ZBTB20: variants seen among roughly 807,000 people sequenced by gnomAD.
The protein encoded by ZBTB20 is zinc finger and BTB domain-containing protein 20.
In ZBTB20, 9 loss-of-function variants were observed where a neutral mutation model predicts 56.9. The observed-to-expected ratio is 0.16, with a 90% confidence interval of 0.10 to 0.28. The LOEUF (loss-of-function observed/expected upper bound fraction) is 0.28, where lower values mean the gene tolerates loss of function less well. Ranked by LOEUF, ZBTB20 falls within the 10% of genes least tolerant of loss-of-function variation. The pLI, the probability that ZBTB20 is intolerant of heterozygous loss-of-function variation, is 1.00. For missense variants in ZBTB20, 655 were observed against 1,003.0 expected (o/e 0.65, Z 4.69); for synonymous variants, 417 against 420.7 (o/e 0.99, Z 0.11).
At chr3:114,615,225 T>C (rs894597685) in intron 6 of ZBTB20, among the ~76,000 whole-genome samples, 2 of 152,200 alleles carry the variant, frequency 1.3e-5, no homozygotes, top group African/African-American at 2.4e-5. Flanking sequence ...ATTTGACAAT[T>C]TGCAAATTTA....
chr3:114,751,899 A>T (rs1414664517), intron 5 of ZBTB20, among the ~76,000 whole-genome samples: 3 of 152,130 alleles, frequency 2.0e-5, no homozygotes, highest in African/African-American at 7.2e-5. Flanking sequence ...TCTCAGTAAG[A>T]AATGTGTTTT....
intron 5 of ZBTB20, among the ~76,000 whole-genome samples, chr3:114,748,820 T>C (rs1230718766): frequency 6.6e-6 from 1 of 152,156 alleles, no homozygotes; most frequent in Non-Finnish European, 1.5e-5. Context: ...AAGTGCTGTA[T>C]AAAAGTAAAG....
intron 2 of ZBTB20, among the ~76,000 whole-genome samples, chr3:115,044,746 T>C (rs551020181): frequency 6.6e-6 from 1 of 152,348 alleles, no homozygotes; most frequent in African/African-American, 2.4e-5. Context: ...AACAAAGTTA[T>C]CGAGAACACA....
intron 6 of ZBTB20, among the ~76,000 whole-genome samples, chr3:114,638,092 T>C (rs751542957): frequency 4.7e-4 from 72 of 152,186 alleles, no homozygotes; most frequent in Non-Finnish European, 6.2e-4. Context: ...GACAAGTGTA[T>C]TCTCTAATTT....
chr3:114,710,300 C>T (rs1261158510), intron 5 of ZBTB20: 1 of 152,090 alleles, frequency 6.6e-6, no homozygotes, highest in Non-Finnish European at 1.5e-5. Flanking sequence ...TTCTTCGTAC[C>T]CTGTAGGCTT....
rs954107591 is a variant in ZBTB20, at chr3:114,435,964, C to T, written c.-254-46859G>A. On this transcript the variant is annotated intron_variant, in intron 7 of 11. Coordinates refer to ENST00000675478, the MANE Select transcript of ZBTB20 (RefSeq NM_001348800.3). Reference sequence around the variant, plus strand: ...TGAACATCAGTAATATGATATTTCCCGCTACAATTTGATTTGGTTAAAATG... The same window carrying T: ...TGAACATCAGTAATATGATATTTCCTGCTACAATTTGATTTGGTTAAAATG... 3.9e-5 allele frequency among the ~76,000 whole-genome samples: 6 copies of T among 152,014 alleles called. No individual in the cohort carries two copies. In the South Asian group the frequency reaches 8.3e-4, roughly 21 times the overall value.
chr3:115,033,304 TA>T (rs1279506272), intron 2 of ZBTB20, among the ~76,000 whole-genome samples: 3 of 151,392 alleles, frequency 2.0e-5, no homozygotes, highest in Non-Finnish European at 4.4e-5. Context: ...CTACCATAAC[TA>T]AACCACAAAG....
chr3:114,488,788 T>C (rs942631880), intron 7 of ZBTB20, among the ~76,000 whole-genome samples: 7 of 152,206 alleles, frequency 4.6e-5, no homozygotes, highest in Non-Finnish European at 8.8e-5. Flanking sequence ...TGTGGCATTG[T>C]TTAGTAAGAA....
At chr3:114,700,460 A>G (rs2063324411) in intron 5 of ZBTB20, among the ~76,000 whole-genome samples, 1 of 152,144 alleles carries the variant, frequency 6.6e-6, no homozygotes, top group Non-Finnish European at 1.5e-5. Flanking sequence ...CCTCCATATT[A>G]TCAATATGAA....
intron 6 of ZBTB20, among the ~76,000 whole-genome samples, chr3:114,661,555 T>G (rs1042616788): frequency 1.3e-5 from 2 of 152,194 alleles, no homozygotes; most frequent in Non-Finnish European, 2.9e-5. Context: ...CTCTTAGCAC[T>G]GTTGTTCTCC....
At chr3:114,617,450 T>C (rs2058018265) in intron 6 of ZBTB20, among the ~76,000 whole-genome samples, 1 of 152,198 alleles carries the variant, frequency 6.6e-6, no homozygotes, top group Admixed American at 6.5e-5. Context: ...CACTCCAAGA[T>C]ATGTTCAGCT....
chr3:115,041,939 T>G (rs749765465), intron 2 of ZBTB20, among the ~76,000 whole-genome samples: 1 of 152,094 alleles, frequency 6.6e-6, no homozygotes, highest in Non-Finnish European at 1.5e-5. Flanking sequence ...GAATAAAGTT[T>G]TCCTTTTTTA....
chr3:114,627,662 T>C (rs1026017871), intron 6 of ZBTB20, among the ~76,000 whole-genome samples: 1 of 152,172 alleles, frequency 6.6e-6, no homozygotes, highest in Non-Finnish European at 1.5e-5. Context: ...TACATATAAA[T>C]ATAAACCCTG....
chr3:114,541,601 A>G (rs2669902), intron 6 of ZBTB20, among the ~76,000 whole-genome samples: 39,014 of 152,030 alleles, frequency 0.26, 5,488 homozygotes, highest in African/African-American at 0.39. Context: ...GCCATCCCCT[A>G]GAGAAGGAAA....
intron 2 of ZBTB20, among the ~76,000 whole-genome samples, chr3:114,987,670 G>A (rs949276928): frequency 2.0e-5 from 3 of 152,096 alleles, no homozygotes; most frequent in Non-Finnish European, 4.4e-5. Flanking sequence ...TGATAGGATA[G>A]GAGCTTTCAA....
At position 115,071,822 on chromosome 3, in the gene ZBTB20, C is replaced by T. The variant is rs560725577; in HGVS notation, c.-702-408G>A. On this transcript the variant is annotated intron_variant, in intron 1 of 11. Coordinates refer to ENST00000675478, the MANE Select transcript of ZBTB20 (RefSeq NM_001348800.3). ...GGCAGCCTATTGAAACTAACAATGC[C>T]TGCTGCTGCTGCCGAAGAGGATCAT... Among the ~76,000 whole-genome samples, 25 of 152,248 alleles carry T rather than the reference C, an allele frequency of 1.6e-4. No homozygotes were observed. The South Asian group carries it at 4.6e-3, about 28-fold the overall frequency.
intron 1 of ZBTB20, among the ~76,000 whole-genome samples, chr3:115,087,268 C>T (rs1223969817): frequency 6.6e-6 from 1 of 151,712 alleles, no homozygotes; most frequent in Non-Finnish European, 1.5e-5. Flanking sequence ...AAATAGGTGT[C>T]CATTACATTT....
chr3:114,940,462 T>C (rs1162033781), intron 3 of ZBTB20, among the ~76,000 whole-genome samples: 2 of 145,746 alleles, frequency 1.4e-5, no homozygotes, highest in African/African-American at 5.6e-5. Context: ...AGACCTCTAT[T>C]TACTTAAAAG....
chr3:114,961,204 G>A (rs528133238), intron 3 of ZBTB20, among the ~76,000 whole-genome samples: 1 of 143,036 alleles, frequency 7.0e-6, no homozygotes, highest in Non-Finnish European at 1.5e-5. Flanking sequence ...CACCATACTC[G>A]TTTTTTTTTT....
Sources: gnomAD v4.1 joint callset for allele counts (sites outside exome capture counted in the v4.1 genomes callset) on GRCh38, gnomAD v4.1.1 for gene constraint, MANE v1.5 for transcripts, NCBI Gene and HGNC (gene_info 2026-07-23, HGNC 2026-07-21) for gene names.